KCTD1: variants seen among roughly 807,000 people sequenced by gnomAD.
The protein encoded by KCTD1 is potassium channel tetramerization domain containing 1, also known as BTB/POZ domain-containing protein KCTD1.
In KCTD1, 24 loss-of-function variants were observed where a neutral mutation model predicts 66.0. The observed-to-expected ratio is 0.36, with a 90% confidence interval of 0.26 to 0.51. KCTD1 has a LOEUF of 0.51. KCTD1 is among the 20% of genes least tolerant of loss of function. The probability of loss-of-function intolerance (pLI) is 0.95; values close to 1 mark genes in which losing one functional copy is unlikely to be tolerated. For missense variants in KCTD1, 943 were observed against 1,205.2 expected (o/e 0.78, Z 3.22); for synonymous variants, 511 against 517.2 (o/e 0.99, Z 0.16).
chr18:26,604,534 C>A (rs1175899095), intron 1 of KCTD1, among the ~76,000 whole-genome samples: 1 of 152,100 alleles, frequency 6.6e-6, no homozygotes, highest in African/African-American at 2.4e-5. Flanking sequence ...AAATGTGGTA[C>A]ATATACACCA....
At chr18:26,598,854 T>C (rs1302849162) in intron 1 of KCTD1, among the ~76,000 whole-genome samples, 2 of 152,214 alleles carry the variant, frequency 1.3e-5, no homozygotes, top group Non-Finnish European at 2.9e-5. Flanking sequence ...TTGTTTTTTA[T>C]TGATGAGTTG....
At chr18:26,627,852 T>G (rs2145033448) in intron 1 of KCTD1, among the ~76,000 whole-genome samples, 1 of 152,346 alleles carries the variant, frequency 6.6e-6, no homozygotes, top group South Asian at 2.1e-4. Context: ...AAGCCATGAC[T>G]GTACCTAGTT....
chr18:26,616,164 T>C (rs1987248375), intron 1 of KCTD1, among the ~76,000 whole-genome samples: 1 of 151,342 alleles, frequency 6.6e-6, no homozygotes, highest in Non-Finnish European at 1.5e-5. Context: ...TTTCTTCTCT[T>C]TTTATTGTTG....
chr18:26,528,152 C>T (rs1246430697), intron 1 of KCTD1, among the ~76,000 whole-genome samples: 3 of 152,180 alleles, frequency 2.0e-5, no homozygotes, highest in Admixed American at 6.6e-5. Flanking sequence ...TCTTTCAGTA[C>T]TATAGGCCCC....
At chr18:26,657,236 C>T in intron 1 of KCTD1, 2 of 721,920 alleles carry the variant, frequency 2.8e-6, no homozygotes, top group Non-Finnish European at 3.4e-6. Context: ...CGGCGGGCGG[C>T]GTGTGTGCGA....
chr18:26,503,239 AT>A (rs1457617800), intron 1 of KCTD1, among the ~76,000 whole-genome samples: 3 of 152,214 alleles, frequency 2.0e-5, no homozygotes, highest in Admixed American at 6.5e-5. Context: ...CAAAATAGAT[AT>A]TGAAAAACAC....
At chr18:26,511,568 T>C (rs1983333895) in intron 1 of KCTD1, among the ~76,000 whole-genome samples, 1 of 152,206 alleles carries the variant, frequency 6.6e-6, no homozygotes, top group African/African-American at 2.4e-5. Flanking sequence ...AGAGAGGGCC[T>C]TCGAGTCTGA....
intron 1 of KCTD1, among the ~76,000 whole-genome samples, chr18:26,574,501 T>C (rs533222512): frequency 6.6e-6 from 1 of 152,340 alleles, no homozygotes; most frequent in South Asian, 2.1e-4. Flanking sequence ...AGGGCAGGCC[T>C]TTGAGTGCCT....
chr18:26,510,393 T>A (rs1010872127), intron 1 of KCTD1, among the ~76,000 whole-genome samples: 2 of 152,196 alleles, frequency 1.3e-5, no homozygotes, highest in African/African-American at 4.8e-5. Flanking sequence ...CAAAGTTGTT[T>A]CAAAATGACC....
chr18:26,511,503 G>C (rs560048817), intron 1 of KCTD1, among the ~76,000 whole-genome samples: 2 of 152,178 alleles, frequency 1.3e-5, no homozygotes, highest in Non-Finnish European at 2.9e-5. Context: ...ACGCTGTTGT[G>C]GGGGGAAGAT....
At chr18:26,539,693 A>G (rs560866689) in intron 1 of KCTD1, among the ~76,000 whole-genome samples, 131 of 152,296 alleles carry the variant, frequency 8.6e-4, no homozygotes, top group Middle Eastern at 6.8e-3. Flanking sequence ...CTGGTCTAAC[A>G]GTCCACTCAC....
chr18:26,653,838 G>A (rs1022360124), intron 1 of KCTD1, among the ~76,000 whole-genome samples: 3 of 152,172 alleles, frequency 2.0e-5, no homozygotes, highest in African/African-American at 7.2e-5. Flanking sequence ...ATTAAAATAA[G>A]CATACATGCT....
chr18:26,653,529 T>G (rs545401906), intron 1 of KCTD1, among the ~76,000 whole-genome samples: 1 of 152,342 alleles, frequency 6.6e-6, no homozygotes, highest in Admixed American at 6.5e-5. Context: ...GATGAATGTC[T>G]GCCTCTCTGT....
intron 1 of KCTD1, among the ~76,000 whole-genome samples, chr18:26,601,774 G>T (rs184866130): frequency 6.6e-6 from 1 of 152,194 alleles, no homozygotes; most frequent in East Asian, 1.9e-4. Context: ...ATTATAAATG[G>T]AAATGTTTAC....
At chr18:26,516,119 G>T (rs929184647) in intron 1 of KCTD1, among the ~76,000 whole-genome samples, 8 of 152,094 alleles carry the variant, frequency 5.3e-5, no homozygotes, top group African/African-American at 1.9e-4. Flanking sequence ...GGAGCAGGAA[G>T]TGAGGAAAGG....
upstream of KCTD1, among the ~76,000 whole-genome samples, chr18:26,630,523 C>T (rs1262830560): frequency 4.6e-5 from 7 of 152,006 alleles, no homozygotes; most frequent in Non-Finnish European, 8.8e-5. Context: ...GCCATGTTGC[C>T]CAGGCTGGTC....
intron 1 of KCTD1, among the ~76,000 whole-genome samples, chr18:26,603,617 C>T (rs1298870379): frequency 1.3e-5 from 2 of 151,806 alleles, no homozygotes; most frequent in Non-Finnish European, 2.9e-5. Flanking sequence ...GTGGCATGCT[C>T]CTGTTATCCC....
At chr18:26,592,286 T>C (rs1323916849) in intron 1 of KCTD1, among the ~76,000 whole-genome samples, 1 of 152,232 alleles carries the variant, frequency 6.6e-6, no homozygotes, top group Non-Finnish European at 1.5e-5. Context: ...ATCTTTCAAA[T>C]TATGTAGTTC....
At position 26,476,891 on chromosome 18, in the gene KCTD1, T is replaced by C; in HGVS notation, c.1989-232A>G. 1 of 454,780 alleles carries C rather than the reference T, an allele frequency of 2.2e-6. No homozygotes were observed. The highest frequency in any genetic ancestry group is 3.8e-6 in the Non-Finnish European group (1 of 260,422). The allele number at this position is 454,780 out of a possible 1,614,324, so 28.2% of individuals were successfully genotyped here. ...ATTCTTTTATTCACTGTCTTTCACC[T>C]GCAAAGAAAATGTTCCTGACATGGT... On this transcript the variant is annotated intron_variant, in intron 2 of 4. Coordinates refer to ENST00000580059, the MANE Select transcript of KCTD1 (RefSeq NM_001142730.3). This position sits in a 1 kb window ranked among gnomAD's most constrained non-coding sequence, Gnocchi z 4.9.
Sources: allele counts gnomAD v4.1 joint callset (sites outside exome capture counted in the v4.1 genomes callset), GRCh38; gene constraint gnomAD v4.1.1; non-coding constraint Gnocchi (gnomAD v3.1); transcripts MANE v1.5; gene names NCBI Gene and HGNC (gene_info 2026-07-23, HGNC 2026-07-21).